GPC6: variants seen among roughly 807,000 people sequenced by gnomAD.
The protein encoded by GPC6 is glypican 6.
Under a neutral mutation model 55.2 loss-of-function variants are expected in GPC6, and 14 were observed. The ratio of observed to expected loss-of-function variants is 0.25; its 90% CI spans 0.17 to 0.40. The LOEUF is 0.40. GPC6 is among the 10% of genes least tolerant of loss of function. The probability of loss-of-function intolerance (pLI) is 1.00; values close to 1 mark genes in which losing one functional copy is unlikely to be tolerated. For missense variants in GPC6, 641 were observed against 708.5 expected (o/e 0.90, Z 1.08); for synonymous variants, 278 against 259.6 (o/e 1.07, Z -0.68).
chr13:94,070,046 A>C (rs1884669056), intron 4 of GPC6, among the ~76,000 whole-genome samples: 1 of 152,216 alleles, frequency 6.6e-6, no homozygotes, highest in Non-Finnish European at 1.5e-5. Flanking sequence ...GTGAAGACAT[A>C]TCCGAGACTG....
At chr13:93,914,591 T>A (rs1877193652) in intron 3 of GPC6, among the ~76,000 whole-genome samples, 1 of 152,226 alleles carries the variant, frequency 6.6e-6, no homozygotes, top group Non-Finnish European at 1.5e-5. Flanking sequence ...TCGGTCTTAT[T>A]CCCAAATAAA....
At chr13:93,487,618 T>A (rs1294566946) in intron 1 of GPC6, among the ~76,000 whole-genome samples, 2 of 152,192 alleles carry the variant, frequency 1.3e-5, no homozygotes, top group Non-Finnish European at 2.9e-5. Flanking sequence ...ATCATGTATC[T>A]TCCCTGTCCA....
chr13:93,372,740 G>T (rs1319072385), intron 1 of GPC6, among the ~76,000 whole-genome samples: 1 of 152,126 alleles, frequency 6.6e-6, no homozygotes, highest in Non-Finnish European at 1.5e-5. Flanking sequence ...CTATTAGAAA[G>T]ACTTCATTTT....
At chr13:93,362,353 T>G (rs961875041) in intron 1 of GPC6, among the ~76,000 whole-genome samples, 1 of 152,296 alleles carries the variant, frequency 6.6e-6, no homozygotes, top group Non-Finnish European at 1.5e-5. Flanking sequence ...AGATCCATTT[T>G]ACCATCTCCT....
intron 6 of GPC6, among the ~76,000 whole-genome samples, chr13:94,326,365 A>T (rs1877117034): frequency 6.6e-6 from 1 of 152,164 alleles, no homozygotes; most frequent in African/African-American, 2.4e-5. Context: ...AGGACAGCAT[A>T]TCAGAAGTGC....
intron 4 of GPC6, among the ~76,000 whole-genome samples, chr13:94,109,045 A>G (rs1363784746): frequency 6.6e-6 from 1 of 151,518 alleles, no homozygotes; most frequent in Non-Finnish European, 1.5e-5. Flanking sequence ...CCCTTTCTTT[A>G]AACTACAGTG....
intron 2 of GPC6, among the ~76,000 whole-genome samples, chr13:93,547,039 A>G (rs1479678620): frequency 1.3e-5 from 2 of 152,104 alleles, no homozygotes; most frequent in African/African-American, 4.8e-5. Flanking sequence ...CAATTCACCA[A>G]GACTGAGCCG....
intron 3 of GPC6, among the ~76,000 whole-genome samples, chr13:93,866,843 C>T (rs535784309): frequency 6.6e-6 from 1 of 151,664 alleles, no homozygotes; most frequent in Non-Finnish European, 1.5e-5. Context: ...ATGTAACAAA[C>T]CTGCACATGT....
chr13:94,184,004 G>C (rs1169189193), intron 4 of GPC6, among the ~76,000 whole-genome samples: 1 of 152,112 alleles, frequency 6.6e-6, no homozygotes, highest in East Asian at 1.9e-4. Context: ...ATGGAGAAAG[G>C]ACTCCCTATT....
chr13:93,319,623 A>C (rs1275002555), intron 1 of GPC6, among the ~76,000 whole-genome samples: 1 of 152,166 alleles, frequency 6.6e-6, no homozygotes, highest in Non-Finnish European at 1.5e-5. Context: ...TATAGTATCC[A>C]GCTTACACTG....
At chr13:93,639,468 G>A (rs1051510559) in intron 2 of GPC6, among the ~76,000 whole-genome samples, 2 of 152,078 alleles carry the variant, frequency 1.3e-5, no homozygotes, top group African/African-American at 4.8e-5. Context: ...AGAATTTTGA[G>A]TATTCCGTGT....
At chr13:94,391,963 C>T (rs936151781) in intron 7 of GPC6, among the ~76,000 whole-genome samples, 4 of 152,178 alleles carry the variant, frequency 2.6e-5, no homozygotes, top group African/African-American at 9.7e-5. Flanking sequence ...TGTGGTATCA[C>T]ATGTCAATTT....
At position 94,150,814 on chromosome 13, in the gene GPC6, G is replaced by GTATATATATA. The variant is rs34636081; in HGVS notation, c.877+122928_877+122937dup. On this transcript the variant is annotated intron_variant, in intron 4 of 8. Coordinates refer to ENST00000377047, the MANE Select transcript of GPC6 (RefSeq NM_005708.5). ...TGAAGCAGAAAGAGAGAGATCAGCA[G>GTATATATATA]TATATATATATATATATGTTTATTG... Among the ~76,000 whole-genome samples, 195 of 100,658 alleles carry GTATATATATA rather than the reference G, an allele frequency of 1.9e-3. 15 individuals are homozygous for GTATATATATA. The highest frequency in any genetic ancestry group is 3.9e-3 in the Admixed American group (39 of 10,042). 66.0% of individuals were successfully genotyped at this position (100,658 alleles called of 152,430 possible).
intron 2 of GPC6, among the ~76,000 whole-genome samples, chr13:93,565,095 T>A (rs934014970): frequency 1.3e-5 from 2 of 152,208 alleles, no homozygotes; most frequent in Non-Finnish European, 2.9e-5. Flanking sequence ...TCTGTCTTTA[T>A]ATTCAGTTTT....
chr13:93,437,514 T>A (rs1705167114), intron 1 of GPC6, among the ~76,000 whole-genome samples: 1 of 152,202 alleles, frequency 6.6e-6, no homozygotes, highest in Non-Finnish European at 1.5e-5. Flanking sequence ...TGTAGAAGGT[T>A]TCAGTGGTCT....
At chr13:93,623,210 GA>G (rs982288088) in intron 2 of GPC6, among the ~76,000 whole-genome samples, 8 of 152,010 alleles carry the variant, frequency 5.3e-5, no homozygotes, top group Admixed American at 3.9e-4. Flanking sequence ...GAATAGTGCT[GA>G]AAAAAAAAAT....
At chr13:93,389,127 A>G (rs1051579696) in intron 1 of GPC6, among the ~76,000 whole-genome samples, 2 of 152,166 alleles carry the variant, frequency 1.3e-5, no homozygotes, top group Non-Finnish European at 2.9e-5. Flanking sequence ...AATTAAAAGA[A>G]AATCTTAGAG....
chr13:93,305,906 C>A (rs1049323389), intron 1 of GPC6, among the ~76,000 whole-genome samples: 2 of 152,110 alleles, frequency 1.3e-5, no homozygotes, highest in African/African-American at 4.8e-5. Flanking sequence ...CCCATATGCA[C>A]TGAACTATAT....
chr13:93,816,969 C>T (rs111569646), intron 2 of GPC6, among the ~76,000 whole-genome samples: 13 of 152,226 alleles, frequency 8.5e-5, no homozygotes, highest in Non-Finnish European at 1.3e-4. Flanking sequence ...TAGACCCTTT[C>T]GAAGCCTCTG....
Sources: allele counts gnomAD v4.1 joint callset (sites outside exome capture counted in the v4.1 genomes callset), GRCh38; gene constraint gnomAD v4.1.1; transcripts MANE v1.5; gene names NCBI Gene and HGNC (gene_info 2026-07-23, HGNC 2026-07-21).